Variants in RYR1 observed in about 807,000 individuals in gnomAD.
RYR1 encodes the protein ryanodine receptor 1, also known as central core disease of muscle.
Under a neutral mutation model 583.5 loss-of-function variants are expected in RYR1, and 342 were observed. That is an observed-to-expected ratio of 0.59 (90% CI 0.54 to 0.64). The LOEUF (loss-of-function observed/expected upper bound fraction) is 0.64. Among genes scored for constraint, RYR1 ranks in the 30% least tolerant of loss-of-function variants. The probability of loss-of-function intolerance (pLI) is 0.00; values close to 1 mark genes in which losing one functional copy is unlikely to be tolerated. For synonymous variants in RYR1, 2,791 were observed against 2,822.5 expected (o/e 0.99, Z 0.35); for missense variants, 6,032 against 6,917.2 (o/e 0.87, Z 4.54).
At chr19:38,579,149 G>A (rs896880010) in intron 99 of RYR1, among the ~76,000 whole-genome samples, 15 of 149,286 alleles carry the variant, frequency 1.0e-4, no homozygotes, top group African/African-American at 3.5e-4. Flanking sequence ...GGCCAGGTGC[G>A]GTGGCTCAGG....
intron 54 of RYR1, 124 bp downstream of exon 54, chr19:38,506,070 G>A: frequency 1.5e-6 from 2 of 1,335,746 alleles, no homozygotes; most frequent in Non-Finnish European, 1.0e-6. Context: ...GGGCAAGAGG[G>A]GTGCAGAAAC....
chr19:38,572,593 CT>C (rs1973771765), intron 95 of RYR1, among the ~76,000 whole-genome samples: 2 of 152,152 alleles, frequency 1.3e-5, no homozygotes, highest in Non-Finnish European at 2.9e-5. Flanking sequence ...TTCCCTCTGC[CT>C]GCAATACTTT....
chr19:38,492,462 C>T (rs771082740), intron 37 of RYR1, 28 bp from the exon 38 acceptor site: 32 of 1,612,324 alleles, frequency 2.0e-5, no homozygotes, highest in Non-Finnish European at 2.7e-5. Flanking sequence ...TAATGAATGA[C>T]ATTTCCCGCC....
rs144845360 is a variant in RYR1 at position 38,458,190 on chromosome 19, G to A, written c.2065G>A (p.Glu689Lys). Residue 689 changes from glutamate (E) to lysine (K), a missense_variant, in exon 18 of 106, where the codon GAG becomes AAG. Physicochemically the swap from Glu to Lys is moderately conservative, Grantham distance 56. Transcript: ENST00000359596. ...THLRVGWALT[E>K]GYTPYPGAGE... is the part of the protein sequence containing the mutation. ...CTTGCGGGTGGGCTGGGCCCTCACCGAGGGCTACACCCCCTACCCTGGGGC... is the reference window on the plus strand; with the variant it reads ...CTTGCGGGTGGGCTGGGCCCTCACCAAGGGCTACACCCCCTACCCTGGGGC... 9.9e-6 allele frequency: 16 copies of A among 1,613,892 alleles called. No individual in the cohort carries two copies. The highest frequency in any genetic ancestry group is 4.5e-5 in the East Asian group (2 of 44,874).
Position 38,565,146 on chromosome 19 carries a change from G to T in RYR1, c.12812G>T (p.Gly4271Val). ...EDEGAGAAEAGAEGAEEGAAG... is the reference protein window; with the variant it reads ...EDEGAGAAEAVAEGAEEGAAG... ...GAGGGCGCGGGCGCGGCGGAGGCGG[G>T]CGCGGAAGGCGCGGAGGAGGGCGCG... Residue 4271 changes from glycine (G) to valine (V), a missense_variant, in exon 91 of 106, where the codon GGC (glycine) becomes GTC (valine). Physicochemically the swap from Gly to Val is moderately radical, Grantham distance 109. Around this residue, in one of 11 missense-constraint regions of RYR1, gnomAD observed 753 missense variants for 759.6 expected, o/e 0.99. Coordinates refer to ENST00000359596, the MANE Select transcript of RYR1 (RefSeq NM_000540.3). The surrounding 1 kb of genome is among the most constrained non-coding windows in gnomAD (Gnocchi z 4.7). 1 of 1,516,922 alleles carries T rather than the reference G, an allele frequency of 6.6e-7. No individual in the cohort carries two copies. The highest frequency in any genetic ancestry group is 8.8e-7 in the Non-Finnish European group (1 of 1,135,978). 94.0% of individuals were successfully genotyped at this position (1,516,922 alleles called of 1,614,324 possible).
At position 38,478,619 on chromosome 19, in the gene RYR1, A is replaced by C. The variant is rs1968863824; in HGVS notation, c.4620+19A>C. 1 of 1,606,432 alleles carries C rather than the reference A, an allele frequency of 6.2e-7. No individual in the cohort carries two copies. The highest frequency in any genetic ancestry group is 1.7e-5 in the Admixed American group (1 of 59,990). ...TTTCCAGGTGAGTCCAGGCCACAGC[A>C]ATTTAGCGAGAGCATCATGTCCCAG... On this transcript the variant is annotated intron_variant, in intron 31 of 105. Transcript: ENST00000359596.
chr19:38,573,323 C>T lies in RYR1; in HGVS notation c.14129+16C>T, dbSNP rs1210237598. On this transcript the variant is annotated intron_variant, in intron 96 of 105. Transcript: ENST00000359596. The stretch of plus-strand genomic sequence containing the variant: ...TCAACACGCCGTAAGGACCCAGCCC[C>T]CACCTCAGGGTGGCAGCAGGAGGGG... 1.9e-6 allele frequency: 3 copies of T among 1,612,078 alleles called. No individual in the cohort carries two copies. Among genetic ancestry groups the T allele is most frequent in the African/African-American group, 1.3e-5 (1 of 74,994 alleles).
At chr19:38,505,146 C>A in intron 52 of RYR1, 65 bp downstream of exon 52, 1 of 1,462,010 alleles carries the variant, frequency 6.8e-7, no homozygotes, top group Non-Finnish European at 9.6e-7. Context: ...CGACCTGGTT[C>A]TTCCCTGAGG....
chr19:38,505,293 T>TC lies in RYR1; in HGVS notation c.8311-12dup. The TC allele has an allele frequency of 1.3e-6, 2 of 1,582,216 alleles. No individual in the cohort carries two copies. Among genetic ancestry groups the TC allele is most frequent in the Non-Finnish European group, 1.7e-6 (2 of 1,154,226 alleles). ...ACTGCTGCCTCCCCCTCACCCTGCCTCCCCTCCATCTCTAGATCCAGAACA... is the reference window on the plus strand; with the variant it reads ...ACTGCTGCCTCCCCCTCACCCTGCCTCCCCCTCCATCTCTAGATCCAGAACA... On this transcript the variant is annotated splice_polypyrimidine_tract_variant and intron_variant, in intron 52 of 105. Transcript: ENST00000359596.
intron 84 of RYR1, among the ~76,000 whole-genome samples, chr19:38,542,172 A>G (rs1294526819): frequency 1.3e-5 from 2 of 151,636 alleles, no homozygotes; most frequent in African/African-American, 4.8e-5. Flanking sequence ...AGAACGCAAC[A>G]AATTTGTTGT....
At chr19:38,461,278 A>T (rs1967727705) in intron 20 of RYR1, among the ~76,000 whole-genome samples, 2 of 152,160 alleles carry the variant, frequency 1.3e-5, no homozygotes, top group South Asian at 2.1e-4. Flanking sequence ...ATAGAAAAAA[A>T]TTTTTAATAT....
rs1359827678 is a variant in RYR1, at chr19:38,565,377, C to CGGG, written c.13046_13048dup (p.Gly4349dup). The CGGG allele has an allele frequency of 7.5e-7, 1 of 1,338,758 alleles. No homozygotes were observed. Among genetic ancestry groups the CGGG allele is most frequent in the Non-Finnish European group, 9.5e-7 (1 of 1,054,730 alleles). 82.9% of individuals were successfully genotyped at this position (1,338,758 alleles called of 1,614,324 possible). On this transcript the variant is annotated inframe_insertion, in exon 91 of 106. Coordinates refer to ENST00000359596, the MANE Select transcript of RYR1 (RefSeq NM_000540.3). This position sits in a 1 kb window ranked among gnomAD's most constrained non-coding sequence, Gnocchi z 4.7. ...GTGACGCGCGCTGGGGCCGCTGGCG[C>CGGG]GGGGGCGGCGGCGGGCGCGCTGGGC...
At chr19:38,557,344 A>T (rs1007620961) in intron 89 of RYR1, among the ~76,000 whole-genome samples, 13 of 152,204 alleles carry the variant, frequency 8.5e-5, no homozygotes, top group African/African-American at 3.1e-4. Context: ...GGGGGCTGAT[A>T]GTCCAGTGGG....
intron 101 of RYR1, 73 bp from the exon 102 acceptor site, chr19:38,584,870 C>A: frequency 6.3e-7 from 1 of 1,583,154 alleles, no homozygotes; most frequent in Non-Finnish European, 8.7e-7. Context: ...TTCAGCCCTG[C>A]CTATCCCGGG....
At position 38,575,664 on chromosome 19, in the gene RYR1, G is replaced by A. The variant is rs11666388; in HGVS notation, c.14130-255G>A. ...CTAAAAATACGAAAATTAGCCGGGC[G>A]TGGTGGTGGGCGCCTGTAATCCCAG... is the stretch of plus-strand genomic sequence containing the variant. On this transcript the variant is annotated intron_variant, in intron 96 of 105. Coordinates refer to ENST00000359596, the MANE Select transcript of RYR1 (RefSeq NM_000540.3). Among the ~76,000 whole-genome samples, 187 of 152,198 alleles carry A rather than the reference G, an allele frequency of 1.2e-3. 2 individuals carry two copies. The highest frequency in any genetic ancestry group is 2.1e-3 in the Non-Finnish European group (144 of 68,002).
intron 1 of RYR1, 29 bp from the exon 2 acceptor site, chr19:38,440,716 C>T (rs771447845): frequency 1.2e-6 from 2 of 1,603,036 alleles, no homozygotes; most frequent in Non-Finnish European, 1.7e-6. Flanking sequence ...GCCAGGCCCC[C>T]CTGGAGACGC....
chr19:38,534,786 G>T lies in RYR1; in HGVS notation c.11326G>T (p.Glu3776Ter). 2 of 1,613,662 alleles carry T rather than the reference G, an allele frequency of 1.2e-6. No homozygotes were observed. Among genetic ancestry groups the T allele is most frequent in the South Asian group, 1.1e-5 (1 of 90,908 alleles). The change falls in exon 79 of 106, where the codon GAG becomes TAG. Residue 3776 changes from glutamate (E) to a stop codon, truncating the protein, a stop_gained. Transcript: ENST00000359596. LOFTEE classifies it high-confidence loss of function. Reference sequence around the variant, plus strand: ...ACGGCTGCACACCCGGGGGGCGGCCGAGATGGTGCTGCAGATGATCAGTGC... The same window carrying T: ...ACGGCTGCACACCCGGGGGGCGGCCTAGATGGTGCTGCAGATGATCAGTGC... ...QARLHTRGAA[E>*]MVLQMISACK...
In RYR1 at chr19:38,502,788, GGGGC is replaced by G. The variant is rs1568506537; in HGVS notation, c.7835+62_7835+65del. 6.4e-4 allele frequency: 704 copies of G among 1,105,836 alleles called. 15 individuals are homozygous for G. In the African/African-American group the frequency reaches 0.01, roughly 16 times the overall value. 68.5% of individuals were successfully genotyped at this position (1,105,836 alleles called of 1,614,324 possible). ...AGGGGCAGGGGCAGGGGCAGGGGCA[GGGGC>G]AGGGGCAGGGGCAGGGGGAGGAGCA... is the stretch of plus-strand genomic sequence containing the variant. On this transcript the variant is annotated intron_variant, in intron 48 of 105. Transcript: ENST00000359596.
intron 34 of RYR1, among the ~76,000 whole-genome samples, chr19:38,488,424 A>C (rs1600780730): frequency 6.6e-6 from 1 of 150,552 alleles, no homozygotes; most frequent in Non-Finnish European, 1.5e-5. Context: ...CCATTCATCC[A>C]TCTCTCTCTC....
Sources: allele counts gnomAD v4.1 joint callset (sites outside exome capture counted in the v4.1 genomes callset), GRCh38; gene constraint gnomAD v4.1.1; regional missense constraint gnomAD v4.1.1; non-coding constraint Gnocchi (gnomAD v3.1); transcripts MANE v1.5; gene names NCBI Gene and HGNC (gene_info 2026-07-23, HGNC 2026-07-21).